Variants in TBC1D5 observed in about 807,000 individuals in gnomAD.
The protein encoded by TBC1D5 is TBC1 domain family, member 5.
A neutral mutation model predicts 100.3 loss-of-function variants in TBC1D5; 75 were observed. The ratio of observed to expected loss-of-function variants is 0.75; its 90% CI spans 0.62 to 0.91. The LOEUF (loss-of-function observed/expected upper bound fraction) is 0.91, where lower values mean the gene tolerates loss of function less well. Ranked by LOEUF, TBC1D5 falls within the 40% of genes least tolerant of loss-of-function variation. The pLI is 0.00. For missense variants in TBC1D5, 910 were observed against 942.4 expected, an observed-to-expected ratio of 0.97 and a Z score of 0.45; for synonymous variants, 323 against 325.6, an observed-to-expected ratio of 0.99 and a Z score of 0.09.
Position 17,256,184 on chromosome 3 carries a change from T to C in TBC1D5, c.1331+2322A>G, listed in dbSNP as rs576749400. On this transcript the variant is annotated intron_variant, in intron 16 of 21. Coordinates refer to ENST00000253692, the Ensembl canonical transcript of TBC1D5. ...CTTTGGAATTTACTTTTGTGTGTGG[T>C]TGATACTTTTTCAAAGATTTGCCAA... is the stretch of plus-strand genomic sequence containing the variant. Among the ~76,000 whole-genome samples, 13 of 152,186 alleles carry C rather than the reference T, an allele frequency of 8.5e-5. No individual in the cohort carries two copies. In the East Asian group the frequency reaches 2.1e-3, roughly 25 times the overall value.
chr3:17,677,939 T>C (rs572384861), intron 1 of TBC1D5, among the ~76,000 whole-genome samples: 44 of 152,162 alleles, frequency 2.9e-4, no homozygotes, highest in Non-Finnish European at 4.1e-4. Context: ...TAGGTGGGAA[T>C]TGAACAATGA....
intron 1 of TBC1D5, among the ~76,000 whole-genome samples, chr3:17,727,030 T>C (rs1293781311): frequency 2.0e-5 from 3 of 152,216 alleles, no homozygotes; most frequent in Admixed American, 1.3e-4. Flanking sequence ...TAGAAATATG[T>C]ATAACGGCTG....
At chr3:17,421,684 C>A (rs1559851112) in intron 4 of TBC1D5, among the ~76,000 whole-genome samples, 1 of 152,138 alleles carries the variant, frequency 6.6e-6, no homozygotes, top group Admixed American at 6.5e-5. Flanking sequence ...TACAGTTATG[C>A]TCTCTACAAC....
intron 1 of TBC1D5, among the ~76,000 whole-genome samples, chr3:17,734,789 T>C (rs974659267): frequency 1.3e-5 from 2 of 152,146 alleles, no homozygotes; most frequent in Admixed American, 1.3e-4. Context: ...ATAACACAAC[T>C]GTTAAAGATG....
intron 18 of TBC1D5, among the ~76,000 whole-genome samples, chr3:17,194,674 T>C (rs2070409514): frequency 6.6e-6 from 1 of 152,224 alleles, no homozygotes; most frequent in African/African-American, 2.4e-5. Flanking sequence ...GTATTTAAAT[T>C]CATCCCTGAT....
intron 1 of TBC1D5, among the ~76,000 whole-genome samples, chr3:17,726,032 C>A (rs576765759): frequency 1.5e-4 from 23 of 152,264 alleles, no homozygotes; most frequent in African/African-American, 5.1e-4. Flanking sequence ...CATGTTGTTA[C>A]AACGGACATG....
intron 14 of TBC1D5, among the ~76,000 whole-genome samples, chr3:17,299,686 G>A (rs1174998237): frequency 1.3e-5 from 2 of 151,796 alleles, no homozygotes; most frequent in Non-Finnish European, 2.9e-5. Flanking sequence ...GTGAAACCCC[G>A]TCTCTACTAA....
chr3:17,473,707 G>A (rs2095407103), intron 3 of TBC1D5, among the ~76,000 whole-genome samples: 1 of 152,160 alleles, frequency 6.6e-6, no homozygotes, highest in Non-Finnish European at 1.5e-5. Flanking sequence ...AGTATAAGGT[G>A]AAAATGTCTA....
intron 2 of TBC1D5, among the ~76,000 whole-genome samples, chr3:17,575,783 G>A (rs902545983): frequency 2.0e-5 from 3 of 151,982 alleles, no homozygotes; most frequent in African/African-American, 7.3e-5. Flanking sequence ...ATAAGACAGA[G>A]AATGAACTAA....
intron 13 of TBC1D5, among the ~76,000 whole-genome samples, chr3:17,309,201 CAA>C (rs1313124829): frequency 2.0e-5 from 3 of 151,824 alleles, no homozygotes; most frequent in Admixed American, 2.0e-4. Context: ...AAAAAAAATT[CAA>C]ATATTTTCCT....
At position 17,466,493 on chromosome 3, in the gene TBC1D5, G is replaced by T. The variant is rs779766286; in HGVS notation, c.98-37974C>A. On this transcript the variant is annotated intron_variant, in intron 3 of 21. Coordinates refer to ENST00000253692, the Ensembl canonical transcript of TBC1D5. The stretch of plus-strand genomic sequence containing the variant: ...AAGACACATCTAAAGCAATGTTTAG[G>T]CACACTTACAATTATTTCATGTCTA... Among the ~76,000 whole-genome samples, 17 of 152,276 alleles carry T rather than the reference G, an allele frequency of 1.1e-4. No homozygotes were observed. The South Asian group carries it at 1.2e-3, about 11-fold the overall frequency.
intron 14 of TBC1D5, among the ~76,000 whole-genome samples, chr3:17,302,203 C>T (rs1457152492): frequency 6.6e-6 from 1 of 152,160 alleles, no homozygotes; most frequent in Non-Finnish European, 1.5e-5. Context: ...CTGGTAATGG[C>T]TGAAAATCCT....
chr3:17,173,882 G>A (rs979324066), intron 19 of TBC1D5, among the ~76,000 whole-genome samples: 5 of 152,170 alleles, frequency 3.3e-5, no homozygotes, highest in African/African-American at 9.7e-5. Flanking sequence ...AGAGAGAGGG[G>A]CAGACCTGTC....
intron 2 of TBC1D5, among the ~76,000 whole-genome samples, chr3:17,547,583 A>G: frequency 6.6e-6 from 1 of 152,184 alleles, no homozygotes; most frequent in Admixed American, 6.5e-5. Flanking sequence ...CCTAGCCTAG[A>G]GTGTATAGAT....
chr3:17,688,617 G>A (rs542493178), intron 1 of TBC1D5, among the ~76,000 whole-genome samples: 36 of 152,270 alleles, frequency 2.4e-4, no homozygotes, highest in South Asian at 1.2e-3. Context: ...TCTTTAGGCA[G>A]TACTAAGAAG....
At position 17,295,551 on chromosome 3, in the gene TBC1D5, T is replaced by C. The variant is rs542026853; in HGVS notation, c.1139-3550A>G. 2.0e-5 allele frequency among the ~76,000 whole-genome samples: 3 copies of C among 152,332 alleles called. No individual in the cohort carries two copies. The South Asian group carries it at 6.2e-4, about 32-fold the overall frequency. ...ACAAACAAACCAAAAGTGAAATCAG[T>C]AATGATATGCAGAAAAAGTAACTGT... On this transcript the variant is annotated intron_variant, in intron 14 of 21. Transcript: ENST00000253692.
chr3:17,548,433 T>C (rs2096439970), intron 2 of TBC1D5, among the ~76,000 whole-genome samples: 1 of 152,202 alleles, frequency 6.6e-6, no homozygotes, highest in Non-Finnish European at 1.5e-5. Flanking sequence ...CACAGTGTTT[T>C]TATCTCAAGA....
At chr3:17,298,948 C>T (rs555916662) in intron 14 of TBC1D5, among the ~76,000 whole-genome samples, 2 of 152,048 alleles carry the variant, frequency 1.3e-5, no homozygotes, top group Non-Finnish European at 2.9e-5. Context: ...AGTATTCAGC[C>T]CTATACGTAC....
intron 8 of TBC1D5, among the ~76,000 whole-genome samples, chr3:17,402,094 A>G (rs560599060): frequency 2.0e-5 from 3 of 152,186 alleles, no homozygotes; most frequent in Middle Eastern, 6.8e-3. Flanking sequence ...ACCACTGCCA[A>G]TTACCTGTGG....
Sources: gnomAD v4.1 joint callset for allele counts (sites outside exome capture counted in the v4.1 genomes callset) on GRCh38, gnomAD v4.1.1 for gene constraint, MANE v1.5 for transcripts, NCBI Gene and HGNC (gene_info 2026-07-23, HGNC 2026-07-21) for gene names.